AKAP10: variants seen among roughly 807,000 people sequenced by gnomAD.
AKAP10 encodes A-kinase anchoring protein 10, also known as A-kinase anchor protein 10, mitochondrial.
AKAP10 carries 24 observed loss-of-function variants against 80.8 expected under a neutral mutation model. The observed-to-expected ratio is 0.30, with a 90% CI of 0.22 to 0.42. AKAP10 has a LOEUF of 0.42. Ranked by LOEUF, AKAP10 falls within the 10% of genes least tolerant of loss-of-function variation. The pLI, the probability that AKAP10 is intolerant of heterozygous loss-of-function variation, is 1.00. For missense variants in AKAP10, 661 were observed against 794.9 expected, an observed-to-expected ratio of 0.83 and a Z score of 2.03; for synonymous variants, 291 against 277.7, an observed-to-expected ratio of 1.05 and a Z score of -0.48.
At chr17:19,946,244 T>A (rs865879848) in intron 5 of AKAP10, among the ~76,000 whole-genome samples, 835 of 14,186 alleles carry the variant, frequency 0.059, 66 homozygotes, top group East Asian at 0.12. Flanking sequence ...ATATTATATA[T>A]ATATATATAT....
chr17:19,946,261 ATATATATATATATATTTT>A (rs1567765869), intron 5 of AKAP10, among the ~76,000 whole-genome samples: 6 of 25,754 alleles, frequency 2.3e-4, no homozygotes, highest in East Asian at 1.4e-3. Flanking sequence ...ATATATATAT[ATATATATATATATATTTT>A]TTTTTTTTTT....
At chr17:19,968,658 CAA>C (rs2043454957) in intron 1 of AKAP10, among the ~76,000 whole-genome samples, 197 bp from the exon 2 acceptor site, 1 of 152,140 alleles carries the variant, frequency 6.6e-6, no homozygotes, top group African/African-American at 2.4e-5. Context: ...AGCATCCAGT[CAA>C]AAGAGTTGAA....
chr17:19,941,797 G>A (rs2043053166), intron 6 of AKAP10, 29 bp downstream of exon 6: 7 of 1,510,086 alleles, frequency 4.6e-6, no homozygotes, highest in East Asian at 2.4e-5. Flanking sequence ...TCCCTAGGAT[G>A]CACAATGTGA....
At chr17:19,934,424 T>C (rs1022273277) in intron 9 of AKAP10, among the ~76,000 whole-genome samples, 134 of 152,280 alleles carry the variant, frequency 8.8e-4, no homozygotes, top group African/African-American at 3.1e-3. Flanking sequence ...CACGGCTCAC[T>C]GCAGCCTTTA....
At chr17:19,967,728 C>T (rs994601007) in intron 2 of AKAP10, among the ~76,000 whole-genome samples, 9 of 151,480 alleles carry the variant, frequency 5.9e-5, no homozygotes, top group African/African-American at 1.9e-4. Context: ...ACTAAAAATA[C>T]AAAAATTAGC....
intron 10 of AKAP10, among the ~76,000 whole-genome samples, chr17:19,930,563 G>A (rs1284230005): frequency 1.3e-5 from 2 of 151,978 alleles, no homozygotes; most frequent in Admixed American, 1.3e-4. Context: ...TGGGAGGACT[G>A]CTTGAAGCCA....
chr17:19,976,770 G>A (rs2152420441), intron 1 of AKAP10, among the ~76,000 whole-genome samples: 1 of 152,268 alleles, frequency 6.6e-6, no homozygotes, highest in Admixed American at 6.5e-5. Context: ...CACCCGCCAA[G>A]CCTCCCAAAG....
At chr17:19,947,161 C>T (rs2043143671) in intron 5 of AKAP10, 6 of 455,416 alleles carry the variant, frequency 1.3e-5, no homozygotes, top group Non-Finnish European at 2.0e-5. Context: ...TGCTCAGCAG[C>T]GGGCAGGCCT....
At chr17:19,949,871 G>A (rs2043180090) in intron 4 of AKAP10, among the ~76,000 whole-genome samples, 1 of 151,726 alleles carries the variant, frequency 6.6e-6, no homozygotes, top group African/African-American at 2.4e-5. Flanking sequence ...TTTTTATGGT[G>A]GTTAAGTTTT....
intron 2 of AKAP10, among the ~76,000 whole-genome samples, chr17:19,967,483 T>C (rs2043434591): frequency 6.6e-6 from 1 of 152,224 alleles, no homozygotes. Context: ...ACTAAATAAA[T>C]AAAGTGAACT....
chr17:19,946,233 T>TAA (rs1472252744), intron 5 of AKAP10, among the ~76,000 whole-genome samples: 6 of 17,566 alleles, frequency 3.4e-4, no homozygotes, highest in Non-Finnish European at 6.2e-4. Context: ...TATATATATA[T>TAA]ATATTATATA....
intron 1 of AKAP10, 147 bp downstream of exon 1, chr17:19,977,445 G>C (rs1174999835): frequency 7.6e-6 from 4 of 528,940 alleles, no homozygotes; most frequent in Non-Finnish European, 1.2e-5. Flanking sequence ...TCCCGGAGCA[G>C]AGCAAGGCAC....
intron 2 of AKAP10, among the ~76,000 whole-genome samples, chr17:19,966,724 T>TAAGCA (rs1185169618): frequency 1.3e-3 from 205 of 152,038 alleles, no homozygotes; most frequent in South Asian, 1.9e-3. Flanking sequence ...AAATGAAGAA[T>TAAGCA]CTGAAGAAAG....
intron 5 of AKAP10, among the ~76,000 whole-genome samples, chr17:19,946,270 T>TA (rs2043126827): frequency 1.3e-4 from 4 of 31,390 alleles, no homozygotes; most frequent in Non-Finnish European, 2.2e-4. Context: ...TATATATATA[T>TA]ATATATTTTT....
chr17:19,922,906 CCAAAA>C (rs1339919335), intron 11 of AKAP10, among the ~76,000 whole-genome samples: 4 of 152,076 alleles, frequency 2.6e-5, no homozygotes, highest in African/African-American at 4.8e-5. Context: ...TCTCAAAAAA[CCAAAA>C]CAAAACAAAA....
chr17:19,970,262 G>T (rs2043477838), intron 1 of AKAP10, among the ~76,000 whole-genome samples: 1 of 152,146 alleles, frequency 6.6e-6, no homozygotes, highest in Non-Finnish European at 1.5e-5. Flanking sequence ...AACATGGTCT[G>T]TTTATTACCT....
chr17:19,915,480 C>T (rs1351300983), intron 12 of AKAP10, among the ~76,000 whole-genome samples: 2 of 152,110 alleles, frequency 1.3e-5, no homozygotes, highest in Admixed American at 1.3e-4. Context: ...CACTCAAATG[C>T]CTTTTGGGTG....
At chr17:19,964,919 A>G (rs150102905) in intron 2 of AKAP10, among the ~76,000 whole-genome samples, 1 of 152,238 alleles carries the variant, frequency 6.6e-6, no homozygotes, top group Non-Finnish European at 1.5e-5. Flanking sequence ...CAACAACAAA[A>G]AAGTAATTCT....
chr17:19,967,473 A>G (rs2043434434), intron 2 of AKAP10, among the ~76,000 whole-genome samples: 2 of 152,188 alleles, frequency 1.3e-5, no homozygotes, highest in South Asian at 4.1e-4. Context: ...TTTTTGTCTT[A>G]CTAAATAAAT....
Sources: gnomAD v4.1 joint callset for allele counts (sites outside exome capture counted in the v4.1 genomes callset) on GRCh38, gnomAD v4.1.1 for gene constraint, MANE v1.5 for transcripts, NCBI Gene and HGNC (gene_info 2026-07-23, HGNC 2026-07-21) for gene names.